The following GLI3 variants were observed in gnomAD, a reference collection of about 807,000 sequenced individuals.
The protein encoded by GLI3 is GLI family zinc finger 3.
Under a neutral mutation model 100.8 loss-of-function variants are expected in GLI3, and 20 were observed. That is an observed-to-expected ratio of 0.20 (90% CI 0.14 to 0.29). GLI3 has a LOEUF of 0.29. GLI3 is among the 10% of genes least tolerant of loss of function. The pLI, the probability that GLI3 is intolerant of heterozygous loss-of-function variation, is 1.00. For synonymous variants in GLI3, 938 were observed against 860.5 expected (o/e 1.09, Z -1.58); for missense variants, 2,040 against 2,128.5 (o/e 0.96, Z 0.82).
At chr7:42,262,940 G>A (rs980893777) in intron 1 of GLI3, among the ~76,000 whole-genome samples, 1 of 145,484 alleles carries the variant, frequency 6.9e-6, no homozygotes, top group Non-Finnish European at 1.5e-5. Context: ...AGGCAAACCA[G>A]AATATCTGCA....
At chr7:42,139,550 A>T (rs574627543) in intron 3 of GLI3, among the ~76,000 whole-genome samples, 75 of 152,254 alleles carry the variant, frequency 4.9e-4, no homozygotes, top group African/African-American at 1.7e-3. Flanking sequence ...ATGGTGGCAC[A>T]TGCCTGTAAT....
intron 2 of GLI3, chr7:42,152,411 T>A: frequency 1.0e-6 from 1 of 985,542 alleles, no homozygotes; most frequent in African/African-American, 1.7e-5. Flanking sequence ...GTGAGCTCTC[T>A]CTAGCTGCGC....
chr7:42,076,862 AAAG>A lies in GLI3; in HGVS notation c.368-8_368-6del, dbSNP rs778504876. 21 of 1,572,186 alleles carry A rather than the reference AAAG, an allele frequency of 1.3e-5. No individual in the cohort carries two copies. Among genetic ancestry groups the A allele is most frequent in the Non-Finnish European group, 1.7e-5 (19 of 1,141,736 alleles). ...CAGGGAAAAGATGAGGAGGGTCTGA[AAAG>A]AAGAGAGAGCCCAATCTATATCAAA... On this transcript the variant is annotated splice_region_variant and splice_polypyrimidine_tract_variant and intron_variant, in intron 3 of 14. Coordinates refer to ENST00000395925, the MANE Select transcript of GLI3 (RefSeq NM_000168.6).
chr7:42,223,618 C>T (rs141828911), intron 1 of GLI3, among the ~76,000 whole-genome samples: 16 of 152,326 alleles, frequency 1.1e-4, no homozygotes, highest in African/African-American at 3.6e-4. Context: ...ACAAGTGTCA[C>T]ATTACTTTTT....
At chr7:42,187,210 C>CAAAA (rs5883817) in intron 2 of GLI3, among the ~76,000 whole-genome samples, 2 of 116,884 alleles carry the variant, frequency 1.7e-5, no homozygotes, top group Non-Finnish European at 3.6e-5. Context: ...GACCCTGTCT[C>CAAAA]AAAAAAAAAA....
intron 2 of GLI3, among the ~76,000 whole-genome samples, chr7:42,215,361 T>C (rs1439965229): frequency 6.6e-6 from 1 of 152,180 alleles, no homozygotes; most frequent in Non-Finnish European, 1.5e-5. Flanking sequence ...AGGGAGTTTT[T>C]TGCTTTTACT....
chr7:42,161,728 T>C (rs1424121437), intron 2 of GLI3, among the ~76,000 whole-genome samples: 2 of 152,214 alleles, frequency 1.3e-5, no homozygotes, highest in African/African-American at 2.4e-5. Context: ...TATGACCTAG[T>C]GTGGCACATA....
At chr7:42,051,357 G>A (rs986994498) in intron 4 of GLI3, among the ~76,000 whole-genome samples, 32 of 152,248 alleles carry the variant, frequency 2.1e-4, no homozygotes, top group African/African-American at 7.2e-4. Flanking sequence ...TAACCTCGTG[G>A]GAGTCTTAGG....
At chr7:42,062,318 G>T (rs1272724285) in intron 4 of GLI3, among the ~76,000 whole-genome samples, 1 of 152,084 alleles carries the variant, frequency 6.6e-6, no homozygotes, top group African/African-American at 2.4e-5. Context: ...TTAAAATTTA[G>T]TGACCCATCA....
intron 8 of GLI3, among the ~76,000 whole-genome samples, chr7:42,025,657 G>A (rs1334922075): frequency 6.6e-6 from 1 of 152,204 alleles, no homozygotes; most frequent in Non-Finnish European, 1.5e-5. Flanking sequence ...GCTTTAACAA[G>A]CTCCAACAGG....
intron 2 of GLI3, among the ~76,000 whole-genome samples, chr7:42,185,566 C>G (rs1226931766): frequency 2.6e-5 from 4 of 152,220 alleles, no homozygotes; most frequent in African/African-American, 9.6e-5. Context: ...TGTCTTGCAG[C>G]TCTCAGGAAG....
intron 3 of GLI3, among the ~76,000 whole-genome samples, chr7:42,148,013 A>G (rs1165132420): frequency 6.6e-6 from 1 of 152,168 alleles, no homozygotes; most frequent in African/African-American, 2.4e-5. Context: ...GATGTTGCTT[A>G]GAGACGTAAG....
At chr7:42,228,802 G>A (rs1031003356) in intron 1 of GLI3, among the ~76,000 whole-genome samples, 1 of 152,186 alleles carries the variant, frequency 6.6e-6, no homozygotes, top group African/African-American at 2.4e-5. Flanking sequence ...GCCATACATA[G>A]ATTCAAGTGC....
chr7:41,997,876 C>T (rs1205558076), intron 10 of GLI3, among the ~76,000 whole-genome samples: 2 of 152,074 alleles, frequency 1.3e-5, no homozygotes, highest in Admixed American at 6.5e-5. Flanking sequence ...GCAGTTAAGC[C>T]GTTCACCAAT....
chr7:42,129,371 A>T (rs1045603110), intron 3 of GLI3, among the ~76,000 whole-genome samples: 4 of 152,224 alleles, frequency 2.6e-5, no homozygotes, highest in African/African-American at 9.6e-5. Flanking sequence ...AATACATAAA[A>T]TTAAGATAAA....
chr7:42,072,280 A>G (rs1784798310), intron 4 of GLI3, among the ~76,000 whole-genome samples: 1 of 152,218 alleles, frequency 6.6e-6, no homozygotes, highest in Non-Finnish European at 1.5e-5. Flanking sequence ...TCGAAATTCA[A>G]TTAATACTGG....
intron 2 of GLI3, among the ~76,000 whole-genome samples, chr7:42,201,105 T>C (rs1788029828): frequency 6.6e-6 from 1 of 152,194 alleles, no homozygotes; most frequent in African/African-American, 2.4e-5. Context: ...CGATACCGTT[T>C]AGTCTATCGA....
chr7:42,203,845 A>G (rs970470042), intron 2 of GLI3, among the ~76,000 whole-genome samples: 5 of 152,126 alleles, frequency 3.3e-5, no homozygotes, highest in Non-Finnish European at 7.3e-5. Flanking sequence ...CTAAAGATAC[A>G]AAAGTTAGCT....
chr7:42,055,138 T>C (rs1784433856), intron 4 of GLI3, among the ~76,000 whole-genome samples: 1 of 151,024 alleles, frequency 6.6e-6, no homozygotes, highest in Admixed American at 6.6e-5. Flanking sequence ...CATATATGTT[T>C]TTCTTCCTTT....
Sources: allele counts gnomAD v4.1 joint callset (sites outside exome capture counted in the v4.1 genomes callset), GRCh38; gene constraint gnomAD v4.1.1; transcripts MANE v1.5; gene names NCBI Gene and HGNC (gene_info 2026-07-23, HGNC 2026-07-21).